Variants in RBFOX1 observed in about 807,000 individuals in gnomAD.
The protein encoded by RBFOX1 is RNA binding fox-1 homolog 1.
Under a neutral mutation model 57.7 loss-of-function variants are expected in RBFOX1, and 8 were observed. That is an observed-to-expected ratio of 0.14 (90% confidence interval 0.08 to 0.25). The LOEUF is 0.25. Ranked by LOEUF, RBFOX1 falls within the 10% of genes least tolerant of loss-of-function variation. RBFOX1 has a pLI of 1.00. For synonymous variants in RBFOX1, 326 were observed against 222.4 expected, an observed-to-expected ratio of 1.47 and a Z score of -4.15; for missense variants, 611 against 548.5, an observed-to-expected ratio of 1.11 and a Z score of -1.14.
At position 7,100,871 on chromosome 16, in the gene RBFOX1, C is replaced by T. The variant is rs147150266; in HGVS notation, c.27+48773C>T. Among the ~76,000 whole-genome samples, 298 of 152,236 alleles carry T rather than the reference C, an allele frequency of 2.0e-3. 1 individual carries two copies. Among genetic ancestry groups the T allele is most frequent in the African/African-American group, 6.5e-3 (268 of 41,542 alleles). Reference sequence around the variant, plus strand: ...GCAAAGGGCAATACTATACTGAATGCTTGTGAAGTTAAACTGCTAAACATT... The same window carrying T: ...GCAAAGGGCAATACTATACTGAATGTTTGTGAAGTTAAACTGCTAAACATT... On this transcript the variant is annotated intron_variant, in intron 4 of 15. Coordinates refer to ENST00000550418, the MANE Select transcript of RBFOX1 (RefSeq NM_018723.4).
rs79028083 is a variant in RBFOX1 at position 6,948,329 on chromosome 16, C to G, written c.-15-103728C>G. ...ACAAAATAAAGCCAGGTAATGGAAA[C>G]AAACTCTGACATCTTTCTGCTACAT... On this transcript the variant is annotated intron_variant, in intron 3 of 15. Transcript: ENST00000550418. 5.7e-3 allele frequency among the ~76,000 whole-genome samples: 820 copies of G among 142,772 alleles called. 6 individuals carry two copies. Among genetic ancestry groups the G allele is most frequent in the African/African-American group, 0.02 (758 of 38,818 alleles). The allele number at this position is 142,772 out of a possible 152,430, so 93.7% of individuals were successfully genotyped here.
chr16:5,379,374 G>C (rs1398650143), intron 1 of RBFOX1, among the ~76,000 whole-genome samples: 1 of 151,432 alleles, frequency 6.6e-6, no homozygotes, highest in East Asian at 1.9e-4. Context: ...AGGAAGTTCT[G>C]TGTTGTTTAT....
At chr16:6,998,519 G>A (rs2092465925) in intron 3 of RBFOX1, among the ~76,000 whole-genome samples, 1 of 152,140 alleles carries the variant, frequency 6.6e-6, no homozygotes, top group African/African-American at 2.4e-5. Context: ...CCTACCAGAA[G>A]CAAGAGACAA....
chr16:5,364,486 C>T (rs1450079868), intron 1 of RBFOX1, among the ~76,000 whole-genome samples: 1 of 152,224 alleles, frequency 6.6e-6, no homozygotes, highest in Non-Finnish European at 1.5e-5. Flanking sequence ...GAGGAACTTA[C>T]TTTCTTGGTT....
intron 2 of RBFOX1, among the ~76,000 whole-genome samples, chr16:6,439,342 T>C (rs1460717539): frequency 6.6e-6 from 1 of 152,162 alleles, no homozygotes; most frequent in East Asian, 1.9e-4. Flanking sequence ...GGCCAACCTC[T>C]CCTTTCCCCA....
intron 4 of RBFOX1, among the ~76,000 whole-genome samples, chr16:7,400,074 G>T (rs540541875): frequency 6.6e-6 from 1 of 152,258 alleles, no homozygotes; most frequent in South Asian, 2.1e-4. Flanking sequence ...CTCAGGAGGG[G>T]AAGACCATTT....
chr16:6,866,016 C>G (rs115782268), intron 3 of RBFOX1, among the ~76,000 whole-genome samples: 1 of 151,978 alleles, frequency 6.6e-6, no homozygotes, highest in Non-Finnish European at 1.5e-5. Flanking sequence ...GTAATATTGG[C>G]TAGCACATCT....
chr16:6,222,684 T>TA (rs71404602), intron 1 of RBFOX1, among the ~76,000 whole-genome samples: 1 of 141,302 alleles, frequency 7.1e-6, no homozygotes, highest in African/African-American at 2.6e-5. Context: ...TTTCTTTTCT[T>TA]TTATTATTAT....
At chr16:5,614,090 A>G (rs60197154) in intron 3 of RBFOX1, among the ~76,000 whole-genome samples, 2,555 of 152,162 alleles carry the variant, frequency 0.017, 57 homozygotes, top group African/African-American at 0.056. Flanking sequence ...CCACCTTTTT[A>G]TAGGAATGAT....
intron 3 of RBFOX1, among the ~76,000 whole-genome samples, chr16:6,965,696 A>C (rs1197448152): frequency 6.6e-6 from 1 of 152,134 alleles, no homozygotes; most frequent in Non-Finnish European, 1.5e-5. Context: ...TATTATCTGA[A>C]CTTAAAAAGT....
intron 4 of RBFOX1, among the ~76,000 whole-genome samples, chr16:7,192,199 G>C (rs113024200): frequency 2.0e-5 from 3 of 152,242 alleles, no homozygotes; most frequent in Non-Finnish European, 4.4e-5. Context: ...AGATTTCTCA[G>C]AATCTCCTGT....
At chr16:5,371,731 G>A (rs1475358061) in intron 1 of RBFOX1, among the ~76,000 whole-genome samples, 1 of 152,192 alleles carries the variant, frequency 6.6e-6, no homozygotes, top group Non-Finnish European at 1.5e-5. Flanking sequence ...ATGTGGTGAG[G>A]GTGACCGGCA....
At chr16:5,964,258 C>T (rs879780251) in intron 4 of RBFOX1, among the ~76,000 whole-genome samples, 21 of 152,092 alleles carry the variant, frequency 1.4e-4, no homozygotes, top group South Asian at 2.1e-4. Context: ...GTGTTGGTGA[C>T]GTTGTGGAGA....
rs148756987 is a variant in RBFOX1 at position 5,623,055 on chromosome 16, A to G, written c.318+24094A>G. On this transcript the variant is annotated intron_variant, in intron 3 of 19. Coordinates refer to the RBFOX1 transcript ENST00000641259. ...CTTGAACATTCATGGGTTTTGGTAT[A>G]CGGGGGAGTCTTGGAACCAACCCCT... is the stretch of plus-strand genomic sequence containing the variant. Among the ~76,000 whole-genome samples the G allele has an allele frequency of 3.3e-5, 5 of 152,242 alleles. No individual in the cohort carries two copies. In the East Asian group the frequency reaches 9.6e-4, roughly 29 times the overall value.
At chr16:7,349,509 T>C (rs1037126223) in intron 4 of RBFOX1, among the ~76,000 whole-genome samples, 8 of 147,996 alleles carry the variant, frequency 5.4e-5, no homozygotes, top group Non-Finnish European at 9.0e-5. Flanking sequence ...TGTCAGAATG[T>C]GCACAGAAAA....
At chr16:6,324,839 C>T (rs1465196740) in intron 2 of RBFOX1, among the ~76,000 whole-genome samples, 1 of 152,176 alleles carries the variant, frequency 6.6e-6, no homozygotes, top group African/African-American at 2.4e-5. Context: ...GTATCATTAT[C>T]TCAGCAAGAC....
chr16:7,176,486 C>T (rs34749208), intron 4 of RBFOX1, among the ~76,000 whole-genome samples: 1 of 151,956 alleles, frequency 6.6e-6, no homozygotes, highest in Non-Finnish European at 1.5e-5. Context: ...GTAAACTATA[C>T]CTCTCGGGAA....
At chr16:7,241,103 C>T (rs969957605) in intron 4 of RBFOX1, among the ~76,000 whole-genome samples, 2 of 152,112 alleles carry the variant, frequency 1.3e-5, no homozygotes, top group Non-Finnish European at 2.9e-5. Context: ...TATCAGATTG[C>T]CATTTCTGGC....
intron 3 of RBFOX1, among the ~76,000 whole-genome samples, chr16:6,822,330 G>C (rs2091448195): frequency 6.6e-6 from 1 of 152,182 alleles, no homozygotes. Context: ...TTCAATGCCT[G>C]TTGACTCTCA....
Sources: allele counts gnomAD v4.1 joint callset (sites outside exome capture counted in the v4.1 genomes callset), GRCh38; gene constraint gnomAD v4.1.1; transcripts MANE v1.5; gene names NCBI Gene and HGNC (gene_info 2026-07-23, HGNC 2026-07-21).